The following ZBTB16 variants were observed in gnomAD, a reference collection of about 807,000 sequenced individuals.
ZBTB16 encodes the protein zinc finger and BTB domain containing 16.
Under a neutral mutation model 56.8 loss-of-function variants are expected in ZBTB16, and 8 were observed. The observed-to-expected ratio is 0.14, with a 90% CI of 0.08 to 0.25. ZBTB16 has a LOEUF of 0.25. ZBTB16 is among the 10% of genes least tolerant of loss of function. The pLI, the probability that ZBTB16 is intolerant of heterozygous loss-of-function variation, is 1.00. For missense variants in ZBTB16, 625 were observed against 903.0 expected (o/e 0.69, Z 3.95); for synonymous variants, 363 against 368.5 (o/e 0.98, Z 0.17).
intron 2 of ZBTB16, among the ~76,000 whole-genome samples, chr11:114,106,580 C>T (rs1591671804): frequency 6.6e-6 from 1 of 151,734 alleles, no homozygotes; most frequent in East Asian, 1.9e-4. Flanking sequence ...AAGCGATTCT[C>T]CTGCCTCAGC....
At chr11:114,142,256 C>G (rs2134899212) in intron 2 of ZBTB16, among the ~76,000 whole-genome samples, 1 of 152,318 alleles carries the variant, frequency 6.6e-6, no homozygotes, top group South Asian at 2.1e-4. Context: ...GACAACCTTC[C>G]TGTTGCCTAA....
At chr11:114,130,647 C>T (rs1445012496) in intron 2 of ZBTB16, among the ~76,000 whole-genome samples, 2 of 152,244 alleles carry the variant, frequency 1.3e-5, no homozygotes, top group Non-Finnish European at 2.9e-5. Flanking sequence ...AAAAAGACAG[C>T]ATCCAGTGAG....
chr11:114,099,784 A>G (rs1394478495), intron 2 of ZBTB16, among the ~76,000 whole-genome samples: 1 of 151,376 alleles, frequency 6.6e-6, no homozygotes, highest in Non-Finnish European at 1.5e-5. Flanking sequence ...TTCTTGCCCA[A>G]GGGATTCAGT....
At position 114,091,449 on chromosome 11, in the gene ZBTB16, C is replaced by T. The variant is rs554333902; in HGVS notation, c.1268+26881C>T. On this transcript the variant is annotated intron_variant, in intron 2 of 6. Coordinates refer to ENST00000335953, the MANE Select transcript of ZBTB16 (RefSeq NM_006006.6). Reference sequence around the variant, plus strand: ...TCTCAACTCCTGGCCTGTGGATGTCCGTTTCTATAAATGCTGGTGCTCGGT... The same window carrying T: ...TCTCAACTCCTGGCCTGTGGATGTCTGTTTCTATAAATGCTGGTGCTCGGT... Among the ~76,000 whole-genome samples, 103 of 152,026 alleles carry T rather than the reference C, an allele frequency of 6.8e-4. 1 individual carries two copies. The highest frequency in any genetic ancestry group is 6.1e-3 in the Admixed American group (93 of 15,274).
At chr11:114,075,005 G>C (rs923878859) in intron 2 of ZBTB16, among the ~76,000 whole-genome samples, 1 of 152,124 alleles carries the variant, frequency 6.6e-6, no homozygotes, top group African/African-American at 2.4e-5. Flanking sequence ...GAGCGTATGT[G>C]CCTAGGTACA....
At chr11:114,079,012 G>A (rs1939668613) in intron 2 of ZBTB16, among the ~76,000 whole-genome samples, 1 of 151,408 alleles carries the variant, frequency 6.6e-6, no homozygotes, top group Admixed American at 6.6e-5. Flanking sequence ...GTCGGGAGAG[G>A]CTGAGGCAGG....
intron 2 of ZBTB16, among the ~76,000 whole-genome samples, chr11:114,137,725 T>G (rs1183834716): frequency 1.3e-5 from 2 of 152,272 alleles, no homozygotes; most frequent in South Asian, 2.1e-4. Context: ...CCCTTTTTTT[T>G]GGGCAGAGGG....
At chr11:114,123,204 G>A (rs566891760) in intron 2 of ZBTB16, among the ~76,000 whole-genome samples, 3 of 152,048 alleles carry the variant, frequency 2.0e-5, no homozygotes, top group Non-Finnish European at 4.4e-5. Flanking sequence ...CGAGATCAGC[G>A]CTTCAACATA....
At chr11:114,091,256 G>A (rs774655022) in intron 2 of ZBTB16, among the ~76,000 whole-genome samples, 6 of 152,170 alleles carry the variant, frequency 3.9e-5, no homozygotes, top group Non-Finnish European at 7.3e-5. Context: ...GCTGGGGCAC[G>A]AGAAGTGCTT....
chr11:114,159,941 G>GGC (rs1555145946), intron 3 of ZBTB16, among the ~76,000 whole-genome samples: 1 of 145,944 alleles, frequency 6.9e-6, no homozygotes, highest in Non-Finnish European at 1.5e-5. Context: ...GGGAGGCGGG[G>GGC]GGGAGGCGAG....
chr11:114,071,485 G>A (rs1285190276), intron 2 of ZBTB16, among the ~76,000 whole-genome samples: 1 of 152,096 alleles, frequency 6.6e-6, no homozygotes, highest in South Asian at 2.1e-4. Context: ...CCTCCTGCTC[G>A]TTCTAGGAAA....
At position 114,148,469 on chromosome 11, in the gene ZBTB16, C is replaced by CTTTCTTTCTTTCTT. The variant is rs1555144001; in HGVS notation, c.1269-7867_1269-7866insTTCTTTCTTTCTTT. Among the ~76,000 whole-genome samples, 133 of 60,942 alleles carry CTTTCTTTCTTTCTT rather than the reference C, an allele frequency of 2.2e-3. 6 individuals carry two copies. The highest frequency in any genetic ancestry group is 4.4e-3 in the African/African-American group (81 of 18,386). 40.0% of individuals were successfully genotyped at this position (60,942 alleles called of 152,430 possible). On this transcript the variant is annotated intron_variant, in intron 2 of 6. Coordinates refer to ENST00000335953, the MANE Select transcript of ZBTB16 (RefSeq NM_006006.6). ...TCTCTGTCTGTCTGTCTCTCTCTCT[C>CTTTCTTTCTTTCTT]TCTTTCTTTCTTTCTTTCTTTCTTT...
intron 4 of ZBTB16, among the ~76,000 whole-genome samples, chr11:114,198,143 C>G (rs1448019085): frequency 6.6e-6 from 1 of 152,272 alleles, no homozygotes; most frequent in African/African-American, 2.4e-5. Context: ...GCTGTGACCT[C>G]CCCATTGAAA....
chr11:114,209,135 T>C (rs1267943218), intron 4 of ZBTB16, among the ~76,000 whole-genome samples: 1 of 152,094 alleles, frequency 6.6e-6, no homozygotes, highest in African/African-American at 2.4e-5. Flanking sequence ...GGAGGTCTTT[T>C]TGCGACTTGC....
chr11:114,103,470 T>C (rs1940684740), intron 2 of ZBTB16, among the ~76,000 whole-genome samples: 1 of 152,202 alleles, frequency 6.6e-6, no homozygotes, highest in Admixed American at 6.5e-5. Context: ...TTTCTTAATT[T>C]TGGGCTACAG....
intron 4 of ZBTB16, among the ~76,000 whole-genome samples, chr11:114,238,502 A>T (rs1374904510): frequency 1.3e-5 from 2 of 151,928 alleles, no homozygotes; most frequent in Non-Finnish European, 2.9e-5. Flanking sequence ...GGAAGGGGCT[A>T]GCTAGCTCTC....
At chr11:114,179,362 T>G (rs1194095769) in intron 3 of ZBTB16, among the ~76,000 whole-genome samples, 1 of 152,048 alleles carries the variant, frequency 6.6e-6, no homozygotes, top group Non-Finnish European at 1.5e-5. Flanking sequence ...AGTGCCGGCC[T>G]TTGGAATTGG....
In ZBTB16 at chr11:114,091,056, T is replaced by G. The variant is rs79065051; in HGVS notation, c.1268+26488T>G. ...ACCTGGTGACGCAGACTAAGGCAAT[T>G]AACCTTCTTTAGTAAAGACCCTTTC... On this transcript the variant is annotated intron_variant, in intron 2 of 6. Coordinates refer to ENST00000335953, the MANE Select transcript of ZBTB16 (RefSeq NM_006006.6). Among the ~76,000 whole-genome samples the G allele has an allele frequency of 6.1e-3, 929 of 152,286 alleles. 31 individuals carry two copies. The East Asian group carries it at 0.096, about 16-fold the overall frequency.
intron 2 of ZBTB16, among the ~76,000 whole-genome samples, chr11:114,150,275 A>G (rs1025118966): frequency 6.6e-6 from 1 of 152,190 alleles, no homozygotes; most frequent in Non-Finnish European, 1.5e-5. Context: ...GGCTTAGGGT[A>G]GAGGCCGCTA....
Sources: allele counts gnomAD v4.1 joint callset (sites outside exome capture counted in the v4.1 genomes callset), GRCh38; gene constraint gnomAD v4.1.1; transcripts MANE v1.5; gene names NCBI Gene and HGNC (gene_info 2026-07-23, HGNC 2026-07-21).